DPP10: variants seen among roughly 807,000 people sequenced by gnomAD.
The protein encoded by DPP10 is inactive dipeptidyl peptidase 10.
In DPP10, 33 loss-of-function variants were observed where a neutral mutation model predicts 120.9. That is an observed-to-expected ratio of 0.27 (90% CI 0.21 to 0.37). The LOEUF (loss-of-function observed/expected upper bound fraction) is 0.37. Among genes scored for constraint, DPP10 ranks in the 10% least tolerant of loss-of-function variants. The pLI is 1.00. For synonymous variants in DPP10, 337 were observed against 326.1 expected, an observed-to-expected ratio of 1.03 and a Z score of -0.36; for missense variants, 816 against 942.8, an observed-to-expected ratio of 0.87 and a Z score of 1.76.
At chr2:114,528,006 A>G (rs968101968) in intron 1 of DPP10, among the ~76,000 whole-genome samples, 1 of 152,206 alleles carries the variant, frequency 6.6e-6, no homozygotes, top group Non-Finnish European at 1.5e-5. Flanking sequence ...CACACAATAA[A>G]GAGATAGAAC....
chr2:115,231,563 G>C (rs1259494261), intron 1 of DPP10, among the ~76,000 whole-genome samples: 1 of 152,066 alleles, frequency 6.6e-6, no homozygotes, highest in Non-Finnish European at 1.5e-5. Context: ...CTCTTAAATG[G>C]TTAGTGAATA....
chr2:115,181,432 G>T (rs948961674), intron 1 of DPP10, among the ~76,000 whole-genome samples: 1 of 152,104 alleles, frequency 6.6e-6, no homozygotes, highest in African/African-American at 2.4e-5. Flanking sequence ...GCATTCATCC[G>T]GTAGCTGGAA....
intron 1 of DPP10, among the ~76,000 whole-genome samples, chr2:114,500,362 G>A (rs968406474): frequency 3.9e-5 from 6 of 152,236 alleles, no homozygotes; most frequent in Non-Finnish European, 7.3e-5. Context: ...GATGAAATAA[G>A]ATGACAAGAG....
At position 115,079,372 on chromosome 2, in the gene DPP10, C is replaced by CAAAAAAAAAAAGAA. The variant is rs57960886; in HGVS notation, c.61-229858_61-229857insAAGAAAAAAAAAAA. Among the ~76,000 whole-genome samples, 27 of 146,396 alleles carry CAAAAAAAAAAAGAA rather than the reference C, an allele frequency of 1.8e-4. 1 individual carries two copies. The East Asian group carries it at 2.0e-3, about 11-fold the overall frequency. ...CAGAGCCAGACTCCGTCTCAAAAAACAAAAAAAAAGAAAAAAAGAAAATCC... is the reference window on the plus strand; with the variant it reads ...CAGAGCCAGACTCCGTCTCAAAAAACAAAAAAAAAAAGAAAAAAAAAAAGAAAAAAAGAAAATCC... On this transcript the variant is annotated intron_variant, in intron 1 of 25. Transcript: ENST00000410059.
At chr2:114,536,820 A>AATCCTT (rs1686542872) in intron 1 of DPP10, among the ~76,000 whole-genome samples, 1 of 152,026 alleles carries the variant, frequency 6.6e-6, no homozygotes, top group Non-Finnish European at 1.5e-5. Context: ...TCTTTCTCAA[A>AATCCTT]ATCCTTCTGT....
chr2:115,219,471 C>T (rs1267248005), intron 1 of DPP10, among the ~76,000 whole-genome samples: 3 of 152,080 alleles, frequency 2.0e-5, no homozygotes, highest in African/African-American at 7.2e-5. Context: ...CATATGTATA[C>T]ACCTCCACTC....
intron 1 of DPP10, among the ~76,000 whole-genome samples, chr2:115,067,995 T>C (rs1309896180): frequency 1.3e-5 from 2 of 152,060 alleles, no homozygotes; most frequent in Non-Finnish European, 2.9e-5. Flanking sequence ...GTTGATTCCG[T>C]ATCTTGGCCA....
chr2:115,020,630 A>G lies in DPP10; in HGVS notation c.61-288609A>G, dbSNP rs527467676. Reference sequence around the variant, plus strand: ...AAGACAGAAACTCAACAAATGAACAATGGACTTAAACTATAGCCTACAACA... The same window carrying G: ...AAGACAGAAACTCAACAAATGAACAGTGGACTTAAACTATAGCCTACAACA... On this transcript the variant is annotated intron_variant, in intron 1 of 25. Coordinates refer to ENST00000410059, the MANE Select transcript of DPP10 (RefSeq NM_020868.6). 9.2e-5 allele frequency among the ~76,000 whole-genome samples: 14 copies of G among 152,222 alleles called. No homozygotes were observed. The East Asian group carries it at 2.3e-3, about 25-fold the overall frequency.
intron 1 of DPP10, among the ~76,000 whole-genome samples, chr2:115,146,406 G>A (rs2051227025): frequency 6.6e-6 from 1 of 151,976 alleles, no homozygotes; most frequent in Non-Finnish European, 1.5e-5. Context: ...CTTGTATCAT[G>A]TATTTCTCTT....
At chr2:114,932,030 A>G (rs1167012251) in intron 1 of DPP10, among the ~76,000 whole-genome samples, 1 of 152,222 alleles carries the variant, frequency 6.6e-6, no homozygotes, top group Middle Eastern at 3.2e-3. Flanking sequence ...AGCCAAAGTA[A>G]TATTTAGTTT....
intron 3 of DPP10, among the ~76,000 whole-genome samples, chr2:115,482,082 C>T (rs2075467168): frequency 6.6e-6 from 1 of 152,022 alleles, no homozygotes; most frequent in Non-Finnish European, 1.5e-5. Flanking sequence ...TTCGGTTTTA[C>T]AGCCAAAATA....
chr2:115,378,063 A>G (rs1443966278), intron 3 of DPP10, among the ~76,000 whole-genome samples: 1 of 152,008 alleles, frequency 6.6e-6, no homozygotes, highest in African/African-American at 2.4e-5. Flanking sequence ...TATGAACTTT[A>G]AAGTAGTTTT....
At chr2:115,603,695 A>G (rs2083513227) in intron 5 of DPP10, among the ~76,000 whole-genome samples, 1 of 151,956 alleles carries the variant, frequency 6.6e-6, no homozygotes, top group Non-Finnish European at 1.5e-5. Flanking sequence ...TTTGTTCAAA[A>G]TAAATCTTAA....
At chr2:115,358,299 A>G (rs2064538798) in intron 3 of DPP10, among the ~76,000 whole-genome samples, 1 of 152,172 alleles carries the variant, frequency 6.6e-6, no homozygotes, top group Admixed American at 6.5e-5. Flanking sequence ...AAAGTTTCAC[A>G]TGTCTCTAGG....
At chr2:115,510,532 C>T (rs2077170115) in intron 4 of DPP10, among the ~76,000 whole-genome samples, 2 of 152,026 alleles carry the variant, frequency 1.3e-5, no homozygotes, top group South Asian at 4.1e-4. Context: ...GCCAGAAGTT[C>T]AGTCTTGACT....
At chr2:114,697,558 G>A (rs921723403) in intron 1 of DPP10, among the ~76,000 whole-genome samples, 1 of 151,878 alleles carries the variant, frequency 6.6e-6, no homozygotes, top group Non-Finnish European at 1.5e-5. Flanking sequence ...AGAACAGCCT[G>A]TCCAACATGA....
intron 19 of DPP10, among the ~76,000 whole-genome samples, chr2:115,796,023 A>G (rs1055946044): frequency 2.6e-5 from 4 of 152,054 alleles, no homozygotes; most frequent in African/African-American, 9.7e-5. Flanking sequence ...TTATTCATTC[A>G]TCATTGATTA....
At chr2:114,895,158 A>G (rs1009130022) in intron 1 of DPP10, among the ~76,000 whole-genome samples, 2 of 151,856 alleles carry the variant, frequency 1.3e-5, no homozygotes, top group Non-Finnish European at 2.9e-5. Context: ...ATTGACTACT[A>G]TTGTTACTAA....
intron 1 of DPP10, among the ~76,000 whole-genome samples, chr2:114,547,159 T>G (rs1395479842): frequency 6.6e-6 from 1 of 152,260 alleles, no homozygotes; most frequent in African/African-American, 2.4e-5. Flanking sequence ...TGCTTTGAGA[T>G]TCTTCATAAT....
Sources: allele counts gnomAD v4.1 joint callset (sites outside exome capture counted in the v4.1 genomes callset), GRCh38; gene constraint gnomAD v4.1.1; transcripts MANE v1.5; gene names NCBI Gene and HGNC (gene_info 2026-07-23, HGNC 2026-07-21).